CELF2: variants seen among roughly 807,000 people sequenced by gnomAD.
CELF2 encodes the protein CUGBP Elav-like family member 2.
Under a neutral mutation model 62.6 loss-of-function variants are expected in CELF2, and 8 were observed. The observed-to-expected ratio is 0.13, with a 90% CI of 0.07 to 0.23. CELF2 has a LOEUF of 0.23. Among genes scored for constraint, CELF2 ranks in the 10% least tolerant of loss-of-function variants. The probability of loss-of-function intolerance (pLI) is 1.00; values close to 1 mark genes in which losing one functional copy is unlikely to be tolerated. For synonymous variants in CELF2, 258 were observed against 250.0 expected (o/e 1.03, Z -0.30); for missense variants, 333 against 671.0 (o/e 0.50, Z 5.56).
the CELF2 span, among the ~76,000 whole-genome samples, chr10:10,507,947 C>A: frequency 5.3e-5 from 8 of 152,162 alleles, no homozygotes; most frequent in Non-Finnish European, 1.0e-4. Context: ...CTTCCTGAAT[C>A]AATACCAAAC....
At chr10:10,587,950 C>T in the CELF2 span, among the ~76,000 whole-genome samples, 1 of 151,880 alleles carries the variant, frequency 6.6e-6, no homozygotes, top group Non-Finnish European at 1.5e-5. Context: ...AGCCCAAGCA[C>T]ATGTTAACTG....
chr10:11,251,560 A>G (rs182730899), intron 4 of CELF2, among the ~76,000 whole-genome samples: 1 of 152,246 alleles, frequency 6.6e-6, no homozygotes, highest in East Asian at 1.9e-4. Context: ...CTGTTTTTCA[A>G]GCAGCAGCCT....
intron 1 of CELF2, among the ~76,000 whole-genome samples, chr10:11,144,065 ACT>A (rs2061808738): frequency 6.7e-6 from 1 of 149,682 alleles, no homozygotes; most frequent in Non-Finnish European, 1.5e-5. Context: ...TTTTGGGTTC[ACT>A]CTCTAGGCCT....
the CELF2 span, among the ~76,000 whole-genome samples, chr10:10,564,381 A>G: frequency 6.6e-6 from 1 of 152,176 alleles, no homozygotes; most frequent in African/African-American, 2.4e-5. Flanking sequence ...ATAAGGAATT[A>G]ATTAAGATTT....
the CELF2 span, among the ~76,000 whole-genome samples, chr10:10,574,976 C>T: frequency 1.3e-5 from 2 of 151,582 alleles, no homozygotes; most frequent in South Asian, 2.1e-4. Context: ...CCTTGGCCTC[C>T]GAAAGTGCTG....
chr10:10,665,449 C>G, the CELF2 span, among the ~76,000 whole-genome samples: 2 of 151,826 alleles, frequency 1.3e-5, no homozygotes, highest in Non-Finnish European at 2.9e-5. Context: ...TTATTTTTTT[C>G]TTGTAATCTA....
At chr10:11,180,493 A>ACCGT (rs1178409381) in intron 2 of CELF2, among the ~76,000 whole-genome samples, 4 of 152,166 alleles carry the variant, frequency 2.6e-5, no homozygotes, top group African/African-American at 9.7e-5. Context: ...TAAAACCGAC[A>ACCGT]CCGTACTCAG....
the CELF2 span, among the ~76,000 whole-genome samples, chr10:10,555,533 C>A: frequency 6.6e-6 from 1 of 152,162 alleles, no homozygotes; most frequent in African/African-American, 2.4e-5. Context: ...GAGGATAATT[C>A]TCACGTAAAA....
chr10:10,719,018 C>G, the CELF2 span, among the ~76,000 whole-genome samples: 1 of 136,516 alleles, frequency 7.3e-6, no homozygotes, highest in Non-Finnish European at 1.5e-5. Context: ...CAGAGTCTCA[C>G]TCTGTCACCC....
At chr10:11,196,683 C>T (rs1316173429) in intron 2 of CELF2, among the ~76,000 whole-genome samples, 9 of 151,142 alleles carry the variant, frequency 6.0e-5, no homozygotes, top group African/African-American at 9.8e-5. Flanking sequence ...CAGAACCGGG[C>T]GCAGTGGCTC....
the CELF2 span, among the ~76,000 whole-genome samples, chr10:10,752,841 C>T: frequency 7.1e-6 from 1 of 141,410 alleles, no homozygotes; most frequent in African/African-American, 2.7e-5. Flanking sequence ...CCATGATAGG[C>T]ATTAAAAGTG....
intron 2 of CELF2, among the ~76,000 whole-genome samples, chr10:10,953,924 A>T (rs959705526): frequency 1.3e-5 from 2 of 152,050 alleles, no homozygotes; most frequent in Non-Finnish European, 2.9e-5. Context: ...AATAGCAAAT[A>T]CTAGTAGACA....
chr10:10,531,299 G>A, the CELF2 span, among the ~76,000 whole-genome samples: 1 of 152,154 alleles, frequency 6.6e-6, no homozygotes, highest in Admixed American at 6.5e-5. Context: ...AACTCTGGAT[G>A]TAGTAGATTA....
chr10:11,211,830 G>C lies in CELF2; in HGVS notation c.272-5595G>C, dbSNP rs977519233. 6.7e-6 allele frequency among the ~76,000 whole-genome samples: 1 copy of C among 149,950 alleles called. No homozygotes were observed. Among genetic ancestry groups the C allele is most frequent in the African/African-American group, 2.5e-5 (1 of 39,734 alleles). On this transcript the variant is annotated intron_variant, in intron 2 of 12. Coordinates refer to ENST00000633077, the MANE Select transcript of CELF2 (RefSeq NM_001326342.2). This position sits in a 1 kb window ranked among gnomAD's most constrained non-coding sequence, Gnocchi z 4.8. ...AGAGAGAGAGTGTGTGTGTGTGTGT[G>C]TGTGTGTGTGTGTGTGTGTGTGTGT...
chr10:11,295,036 T>C, intron 9 of CELF2, among the ~76,000 whole-genome samples: 1 of 152,258 alleles, frequency 6.6e-6, no homozygotes, highest in East Asian at 1.9e-4. Flanking sequence ...CTCCCGGTCT[T>C]TGCTCATTTC....
rs1040588740 is a variant in CELF2, at chr10:10,983,724, C to A, written c.89+63725C>A. Among the ~76,000 whole-genome samples, 1 of 152,154 alleles carries A rather than the reference C, an allele frequency of 6.6e-6. No homozygotes were observed. Among genetic ancestry groups the A allele is most frequent in the Non-Finnish European group, 1.5e-5 (1 of 68,026 alleles). Reference sequence around the variant, plus strand: ...CTGAGATTATAGGCACTTGCCACCACGCCTGGCTAATTTTTGTATTTTTAG... The same window carrying A: ...CTGAGATTATAGGCACTTGCCACCAAGCCTGGCTAATTTTTGTATTTTTAG... On this transcript the variant is annotated intron_variant, in intron 2 of 13. Transcript: ENST00000636488. The surrounding 1 kb of genome is among the most constrained non-coding windows in gnomAD (Gnocchi z 5.2).
At chr10:10,532,885 T>TTAA in the CELF2 span, among the ~76,000 whole-genome samples, 2 of 27,428 alleles carry the variant, frequency 7.3e-5, no homozygotes, top group East Asian at 1.3e-3. Flanking sequence ...AGACAAAATC[T>TTAA]CAAAAAAAAA....
chr10:11,129,865 T>A (rs1336843714), intron 1 of CELF2, among the ~76,000 whole-genome samples: 3 of 152,240 alleles, frequency 2.0e-5, no homozygotes, highest in Non-Finnish European at 4.4e-5. Context: ...TTTATGTCTC[T>A]GTCTCCTTCA....
chr10:10,884,946 G>T (rs969855242), intron 1 of CELF2, among the ~76,000 whole-genome samples: 4 of 152,176 alleles, frequency 2.6e-5, no homozygotes, highest in African/African-American at 9.7e-5. Flanking sequence ...TGATTTTTAA[G>T]ATTAAATGAT....
Sources: gnomAD v4.1 joint callset for allele counts (sites outside exome capture counted in the v4.1 genomes callset) on GRCh38, gnomAD v4.1.1 for gene constraint, Gnocchi (gnomAD v3.1) non-coding constraint, MANE v1.5 for transcripts, NCBI Gene and HGNC (gene_info 2026-07-23, HGNC 2026-07-21) for gene names.